The following FGF12 variants were observed in gnomAD, a reference collection of about 807,000 sequenced individuals.
The protein encoded by FGF12 is fibroblast growth factor 12B.
Under a neutral mutation model 23.6 loss-of-function variants are expected in FGF12, and 14 were observed. The observed-to-expected ratio is 0.59, with a 90% CI of 0.39 to 0.93. The LOEUF (loss-of-function observed/expected upper bound fraction) is 0.93, where lower values mean the gene tolerates loss of function less well. Among genes scored for constraint, FGF12 ranks in the 40% least tolerant of loss-of-function variants. The pLI is 0.00. For missense variants in FGF12, 175 were observed against 217.8 expected (o/e 0.80, Z 1.24); for synonymous variants, 62 against 77.3 (o/e 0.80, Z 1.04).
At chr3:192,163,318 T>A (rs1287825242) in intron 5 of FGF12, among the ~76,000 whole-genome samples, 2 of 152,146 alleles carry the variant, frequency 1.3e-5, no homozygotes, top group Non-Finnish European at 2.9e-5. Flanking sequence ...ATAAAATAAT[T>A]GGCATTACCT....
intron 2 of FGF12, among the ~76,000 whole-genome samples, chr3:192,620,793 G>C (rs762163635): frequency 7.2e-5 from 11 of 152,092 alleles, no homozygotes; most frequent in Admixed American, 3.9e-4. Context: ...ATTCATTTTT[G>C]AGGCAAGTTG....
chr3:192,712,986 G>A (rs916142094), intron 2 of FGF12, among the ~76,000 whole-genome samples: 8 of 152,114 alleles, frequency 5.3e-5, no homozygotes, highest in Non-Finnish European at 1.2e-4. Flanking sequence ...CTTCAGATGA[G>A]ATTCAGATAA....
intron 2 of FGF12, among the ~76,000 whole-genome samples, chr3:192,556,755 G>A (rs964410318): frequency 6.6e-6 from 1 of 152,120 alleles, no homozygotes; most frequent in Non-Finnish European, 1.5e-5. Flanking sequence ...GATAGATCAC[G>A]TGTTGGGTCG....
At chr3:192,250,223 T>C (rs922126123) in intron 4 of FGF12, among the ~76,000 whole-genome samples, 2 of 152,168 alleles carry the variant, frequency 1.3e-5, no homozygotes, top group Non-Finnish European at 2.9e-5. Context: ...TGGTAACTTT[T>C]GAATTTGGTT....
At chr3:192,505,862 C>A (rs539845846) in intron 2 of FGF12, among the ~76,000 whole-genome samples, 2 of 152,020 alleles carry the variant, frequency 1.3e-5, no homozygotes, top group East Asian at 3.9e-4. Context: ...GTAGCTCTGG[C>A]GAAGACCAGA....
At chr3:192,368,236 C>G (rs977661250) in intron 2 of FGF12, among the ~76,000 whole-genome samples, 4 of 152,126 alleles carry the variant, frequency 2.6e-5, no homozygotes, top group Non-Finnish European at 5.9e-5. Flanking sequence ...AGATGTGAAG[C>G]TGGAAAGAGG....
At chr3:192,521,792 C>T (rs1268552304) in intron 2 of FGF12, among the ~76,000 whole-genome samples, 1 of 152,118 alleles carries the variant, frequency 6.6e-6, no homozygotes, top group Non-Finnish European at 1.5e-5. Flanking sequence ...TTTTATTCAG[C>T]TTGCACATGT....
At chr3:192,630,729 T>C (rs1044634911) in intron 2 of FGF12, among the ~76,000 whole-genome samples, 2 of 151,658 alleles carry the variant, frequency 1.3e-5, no homozygotes, top group Non-Finnish European at 2.9e-5. Context: ...ATTTTTTTTT[T>C]TTGTATTTTT....
chr3:192,250,482 A>G (rs966909), intron 4 of FGF12, among the ~76,000 whole-genome samples: 63,582 of 152,012 alleles, frequency 0.42, 14,182 homozygotes, highest in East Asian at 0.94. Flanking sequence ...CAATACAAGC[A>G]TAAGTGTTTT....
In FGF12 at chr3:192,673,509, G is replaced by C. The variant is rs534236645; in HGVS notation, c.13+53672C>G. On this transcript the variant is annotated intron_variant, in intron 2 of 5. Transcript: ENST00000445105. ...ATCACCTAGGTATTAAGCCCCCCAT[G>C]CATTAGCCATTAGTCCTGATGCTCT... Among the ~76,000 whole-genome samples, 68 of 150,890 alleles carry C rather than the reference G, an allele frequency of 4.5e-4. 3 individuals are homozygous for C. The highest frequency in any genetic ancestry group is 1.5e-3 in the Admixed American group (23 of 15,050).
At chr3:192,402,721 A>G (rs1720813819) in intron 2 of FGF12, among the ~76,000 whole-genome samples, 1 of 152,226 alleles carries the variant, frequency 6.6e-6, no homozygotes. Context: ...AGAAGCAAAA[A>G]TTATAAAGAA....
At chr3:192,405,959 G>A (rs1451220811) in intron 2 of FGF12, among the ~76,000 whole-genome samples, 4 of 152,184 alleles carry the variant, frequency 2.6e-5, no homozygotes, top group African/African-American at 9.7e-5. Flanking sequence ...CACTGGGAAT[G>A]TCTTAATAGG....
intron 4 of FGF12, among the ~76,000 whole-genome samples, chr3:192,313,506 T>C (rs186138557): frequency 1.3e-5 from 2 of 152,330 alleles, no homozygotes; most frequent in East Asian, 3.9e-4. Flanking sequence ...TCCTTGCCCT[T>C]GCTACAGAAA....
intron 4 of FGF12, among the ~76,000 whole-genome samples, chr3:192,269,151 G>A (rs915368093): frequency 3.9e-5 from 5 of 127,466 alleles, no homozygotes; most frequent in Non-Finnish European, 8.2e-5. Flanking sequence ...CTGACCTCAA[G>A]TGATCCACCA....
chr3:192,306,087 C>T (rs1715636587), intron 4 of FGF12, among the ~76,000 whole-genome samples: 1 of 151,992 alleles, frequency 6.6e-6, no homozygotes, highest in South Asian at 2.1e-4. Context: ...GCCTCGATCT[C>T]CTGACCTCGT....
At chr3:192,219,619 A>G (rs1238075386) in intron 4 of FGF12, among the ~76,000 whole-genome samples, 1 of 150,622 alleles carries the variant, frequency 6.6e-6, no homozygotes, top group Admixed American at 6.6e-5. Flanking sequence ...GTTGACTAAC[A>G]GCACCAACAT....
At chr3:192,145,711 C>G (rs1297212559) in intron 5 of FGF12, among the ~76,000 whole-genome samples, 1 of 152,128 alleles carries the variant, frequency 6.6e-6, no homozygotes, top group Non-Finnish European at 1.5e-5. Context: ...TCCAACATCC[C>G]CAAAGGACTA....
intron 3 of FGF12, among the ~76,000 whole-genome samples, chr3:192,351,330 T>C (rs1390885456): frequency 6.6e-6 from 1 of 152,116 alleles, no homozygotes; most frequent in African/African-American, 2.4e-5. Flanking sequence ...TTTGTGGGAC[T>C]TAAATAAGTT....
intron 4 of FGF12, among the ~76,000 whole-genome samples, chr3:192,247,323 T>A (rs1276978798): frequency 1.3e-5 from 2 of 152,098 alleles, no homozygotes; most frequent in African/African-American, 4.8e-5. Context: ...CACTGTAGAG[T>A]ATCAAATTGG....
Sources: allele counts gnomAD v4.1 joint callset (sites outside exome capture counted in the v4.1 genomes callset), GRCh38; gene constraint gnomAD v4.1.1; transcripts MANE v1.5; gene names NCBI Gene and HGNC (gene_info 2026-07-23, HGNC 2026-07-21).